Variants in RBM20 observed in about 807,000 individuals in gnomAD.
RBM20 encodes the protein RNA-binding protein 20.
In RBM20, 51 loss-of-function variants were observed where a neutral mutation model predicts 110.1. That is an observed-to-expected ratio of 0.46 (90% CI 0.37 to 0.59). The LOEUF is 0.59. Ranked by LOEUF, RBM20 falls within the 20% of genes least tolerant of loss-of-function variation. RBM20 has a pLI of 0.00. For synonymous variants in RBM20, 589 were observed against 618.2 expected (o/e 0.95, Z 0.70); for missense variants, 1,512 against 1,574.9 (o/e 0.96, Z 0.68).
intron 1 of RBM20, among the ~76,000 whole-genome samples, chr10:110,745,888 A>G (rs1240902010): frequency 6.6e-6 from 1 of 152,240 alleles, no homozygotes; most frequent in Non-Finnish European, 1.5e-5. Flanking sequence ...TAAAATAGTA[A>G]TAATAAACCT....
chr10:110,651,009 G>C (rs916419972), intron 1 of RBM20, among the ~76,000 whole-genome samples: 1 of 152,188 alleles, frequency 6.6e-6, no homozygotes, highest in Non-Finnish European at 1.5e-5. Flanking sequence ...GAGTGCCACA[G>C]AGGAAAAAAC....
Position 110,810,386 on chromosome 10 carries a change from C to T in RBM20, c.1804C>T (p.Pro602Ser). 1 of 1,551,368 alleles carries T rather than the reference C, an allele frequency of 6.4e-7. No individual in the cohort carries two copies. Among genetic ancestry groups the T allele is most frequent in the Non-Finnish European group, 8.7e-7 (1 of 1,146,704 alleles). Residue 602 changes from proline to serine, a missense_variant, in exon 8 of 14, where the codon CCC becomes TCC. Transcript: ENST00000369519. ...GTGATCTCTCTGACTTTGCTAGAAA[C>T]CCGGGAAGGCCGTGGCTGCCATCAT... The part of the protein sequence containing the change: ...KRYKELQLKK[P>S]GKAVAAIIQD...
chr10:110,772,007 G>T (rs1844200250), intron 1 of RBM20, among the ~76,000 whole-genome samples: 1 of 152,154 alleles, frequency 6.6e-6, no homozygotes, highest in South Asian at 2.1e-4. Flanking sequence ...TCAGTTGAGA[G>T]GTCACCAGAT....
At position 110,754,922 on chromosome 10, in the gene RBM20, C is replaced by A. The variant is rs116342601; in HGVS notation, c.192-25879C>A. On this transcript the variant is annotated intron_variant, in intron 1 of 13. Transcript: ENST00000369519. ...CCTGACAATTTCACTAGTTATTGCC[C>A]GTAAAGAAATTATGTGTGGAGATCC... 5.1e-3 allele frequency among the ~76,000 whole-genome samples: 769 copies of A among 152,188 alleles called. 4 individuals are homozygous for A. The highest frequency in any genetic ancestry group is 0.014 in the African/African-American group (583 of 41,488).
intron 7 of RBM20, among the ~76,000 whole-genome samples, chr10:110,805,385 C>A (rs924756279): frequency 2.0e-5 from 3 of 152,198 alleles, no homozygotes. Context: ...TCAGGGCTGC[C>A]TTGACAGGAT....
At chr10:110,772,570 G>A (rs1844207453) in intron 1 of RBM20, among the ~76,000 whole-genome samples, 1 of 152,144 alleles carries the variant, frequency 6.6e-6, no homozygotes. Flanking sequence ...TTCAGTACAG[G>A]AACATGCTGT....
At chr10:110,653,737 G>A (rs1861983490) in intron 1 of RBM20, among the ~76,000 whole-genome samples, 1 of 152,014 alleles carries the variant, frequency 6.6e-6, no homozygotes, top group Admixed American at 6.5e-5. Context: ...TGTATTTTTT[G>A]TAGAGATGGG....
intron 12 of RBM20, among the ~76,000 whole-genome samples, chr10:110,824,027 G>A (rs1167242685): frequency 1.3e-5 from 2 of 151,788 alleles, no homozygotes; most frequent in Non-Finnish European, 2.9e-5. Flanking sequence ...TCACCTGGCC[G>A]GCCTATCGTT....
intron 1 of RBM20, among the ~76,000 whole-genome samples, chr10:110,747,182 A>G (rs1843791195): frequency 6.6e-6 from 1 of 152,214 alleles, no homozygotes; most frequent in African/African-American, 2.4e-5. Context: ...ATTTCAGAAT[A>G]GAAAGTTAAA....
At chr10:110,810,277 T>C in intron 7 of RBM20, 106 bp from the exon 8 acceptor site, 1 of 787,902 alleles carries the variant, frequency 1.3e-6, no homozygotes, top group Admixed American at 2.0e-5. Flanking sequence ...AAGGTATTTT[T>C]TCCCTTTTGG....
intron 9 of RBM20, among the ~76,000 whole-genome samples, chr10:110,818,637 A>AG (rs1024256193): frequency 1.3e-5 from 2 of 152,256 alleles, no homozygotes; most frequent in Admixed American, 6.5e-5. Context: ...GTGGAAGAGC[A>AG]GGGGTCTGCT....
rs397516599 is a variant in RBM20, at chr10:110,812,414, C to T, written c.2017C>T (p.Arg673Trp). The T allele has an allele frequency of 6.0e-5, 93 of 1,551,546 alleles. No homozygotes were observed. Among genetic ancestry groups the T allele is most frequent in the Non-Finnish European group, 6.9e-5 (79 of 1,147,000 alleles). The change falls in exon 9 of 14, where the codon CGG becomes TGG. Residue 673 changes from arginine (R) to tryptophan (W), a missense_variant. By Grantham distance (101) the Arg-to-Trp change is moderately radical. Coordinates refer to ENST00000369519, the MANE Select transcript of RBM20 (RefSeq NM_001134363.3). ...CTCCCGGGCTGACTGGGGCAATGGC[C>T]GGGACTCCTGGGAGCACTCTCCCTA... is the stretch of plus-strand genomic sequence containing the variant. ...GPSRADWGNG[R>W]DSWEHSPYAR...
At chr10:110,835,549 C>G (rs1845115040) in intron 13 of RBM20, 1 of 168,230 alleles carries the variant, frequency 5.9e-6, no homozygotes, top group African/African-American at 2.4e-5. Context: ...GTTGGTCAGG[C>G]TGGTCTCAAC....
Position 110,729,589 on chromosome 10 carries a change from G to T in RBM20, c.192-51212G>T, listed in dbSNP as rs148220245. 2.8e-3 allele frequency among the ~76,000 whole-genome samples: 432 copies of T among 152,316 alleles called. 6 individuals carry two copies. Among genetic ancestry groups the T allele is most frequent in the African/African-American group, 9.7e-3 (403 of 41,574 alleles). On this transcript the variant is annotated intron_variant, in intron 1 of 13. Transcript: ENST00000369519. ...GTATCTCCCAGATTTGGCAGCTGCT[G>T]CCACTTGCAGCTCAAACCTAAAAGT...
chr10:110,707,607 C>A (rs952558456), intron 1 of RBM20, among the ~76,000 whole-genome samples: 1 of 148,616 alleles, frequency 6.7e-6, no homozygotes, highest in African/African-American at 2.5e-5. Context: ...TTTGCAATAA[C>A]ATGAATGAAA....
chr10:110,731,555 A>T (rs1451326119), intron 1 of RBM20, among the ~76,000 whole-genome samples: 1 of 152,224 alleles, frequency 6.6e-6, no homozygotes, highest in African/African-American at 2.4e-5. Context: ...AATCTGCCTT[A>T]GTTACAATTC....
intron 5 of RBM20, among the ~76,000 whole-genome samples, chr10:110,790,829 GT>G (rs370745784): frequency 4.6e-4 from 70 of 152,222 alleles, no homozygotes; most frequent in African/African-American, 1.5e-3. Context: ...TGACACCTGA[GT>G]TTTAATCACA....
intron 1 of RBM20, among the ~76,000 whole-genome samples, chr10:110,774,241 G>C (rs1234679328): frequency 6.6e-6 from 1 of 152,078 alleles, no homozygotes; most frequent in Non-Finnish European, 1.5e-5. Flanking sequence ...CACACCAACT[G>C]AAAAACACAA....
intron 5 of RBM20, among the ~76,000 whole-genome samples, chr10:110,787,418 G>T (rs1160696558): frequency 6.6e-6 from 1 of 152,154 alleles, no homozygotes; most frequent in Non-Finnish European, 1.5e-5. Context: ...AGTAACGAGC[G>T]CTTTTAACCC....
Sources: allele counts gnomAD v4.1 joint callset (sites outside exome capture counted in the v4.1 genomes callset), GRCh38; gene constraint gnomAD v4.1.1; transcripts MANE v1.5; gene names NCBI Gene and HGNC (gene_info 2026-07-23, HGNC 2026-07-21).